KSR2: variants seen among roughly 807,000 people sequenced by gnomAD.
KSR2 encodes kinase suppressor of ras 2.
A neutral mutation model predicts 107.8 loss-of-function variants in KSR2; 25 were observed. That is an observed-to-expected ratio of 0.23 (90% CI 0.17 to 0.32). The LOEUF (loss-of-function observed/expected upper bound fraction) is 0.32, where lower values mean the gene tolerates loss of function less well. Ranked by LOEUF, KSR2 falls within the 10% of genes least tolerant of loss-of-function variation. The pLI is 1.00. For missense variants in KSR2, 887 were observed against 1,268.9 expected, an observed-to-expected ratio of 0.70 and a Z score of 4.57; for synonymous variants, 480 against 507.0, an observed-to-expected ratio of 0.95 and a Z score of 0.71.
At position 117,968,294 on chromosome 12, in the gene KSR2, A is replaced by C; in HGVS notation, c.-39T>G. On this transcript the variant is annotated 5_prime_UTR_variant, in exon 1 of 20. Transcript: ENST00000339824. ...ACCCCCTTCCCCTCCTCCTCCTCCCAGAGAGAAAAAAGAGGGGGGGGAGTA... is the reference window on the plus strand; with the variant it reads ...ACCCCCTTCCCCTCCTCCTCCTCCCCGAGAGAAAAAAGAGGGGGGGGAGTA... The C allele has an allele frequency of 5.1e-6, 4 of 790,268 alleles. No individual in the cohort carries two copies. Among genetic ancestry groups the C allele is most frequent in the Admixed American group, 4.5e-5 (1 of 22,344 alleles). 49.0% of individuals were successfully genotyped at this position (790,268 alleles called of 1,614,324 possible). A position where few individuals can be genotyped will look rare whatever the true frequency, so the allele number is the denominator to read the frequency against.
At position 117,607,798 on chromosome 12, in the gene KSR2, C is replaced by T. The variant is rs1026327272; in HGVS notation, c.1172-25439G>A. Among the ~76,000 whole-genome samples, 9 of 152,140 alleles carry T rather than the reference C, an allele frequency of 5.9e-5. No individual in the cohort carries two copies. In the South Asian group the frequency reaches 6.2e-4, roughly 11 times the overall value. On this transcript the variant is annotated intron_variant, in intron 5 of 19. Transcript: ENST00000339824. The stretch of plus-strand genomic sequence containing the variant: ...CCTGGGGGTTCTGCGGATCTGAGGC[C>T]GACAGACAGGTGTGACAGGAGGGCA...
chr12:117,733,534 C>T lies in KSR2; in HGVS notation c.986+27477G>A, dbSNP rs896822883. On this transcript the variant is annotated intron_variant, in intron 4 of 19. Coordinates refer to ENST00000339824, the MANE Select transcript of KSR2 (RefSeq NM_173598.6). ...TGCCCATTTATTTGCACACTGTCTA[C>T]GGCTGCTTTTGCTCATAACAACAGA... Among the ~76,000 whole-genome samples the T allele has an allele frequency of 5.3e-5, 8 of 152,276 alleles. 1 individual carries two copies. In the East Asian group the frequency reaches 7.7e-4, roughly 15 times the overall value.
intron 14 of KSR2, among the ~76,000 whole-genome samples, chr12:117,511,629 T>C (rs1168687982): frequency 1.3e-5 from 2 of 152,194 alleles, no homozygotes; most frequent in Admixed American, 1.3e-4. Context: ...ATCTACAAAG[T>C]CCTTAGCACA....
chr12:117,817,214 C>T (rs968161261), intron 3 of KSR2, among the ~76,000 whole-genome samples: 4 of 152,292 alleles, frequency 2.6e-5, no homozygotes, highest in South Asian at 4.1e-4. Flanking sequence ...GGTCTGTCTT[C>T]CTCCGGAAAA....
intron 3 of KSR2, among the ~76,000 whole-genome samples, chr12:117,791,769 A>G (rs1890259395): frequency 6.6e-6 from 1 of 152,208 alleles, no homozygotes; most frequent in South Asian, 2.1e-4. Context: ...TCAGCGATCA[A>G]AAACTCCACT....
intron 3 of KSR2, among the ~76,000 whole-genome samples, chr12:117,769,148 G>A (rs1889348156): frequency 6.6e-6 from 1 of 152,096 alleles, no homozygotes; most frequent in African/African-American, 2.4e-5. Context: ...GAAACCCCGG[G>A]ATCACTCCCC....
intron 3 of KSR2, among the ~76,000 whole-genome samples, chr12:117,794,359 ACAC>A (rs1890504566): frequency 2.5e-5 from 3 of 117,684 alleles, no homozygotes; most frequent in South Asian, 7.0e-4. Context: ...ACAGGCACAC[ACAC>A]CAACATGCAC....
intron 1 of KSR2, among the ~76,000 whole-genome samples, chr12:117,888,245 G>T (rs1356816146): frequency 6.6e-6 from 1 of 152,060 alleles, no homozygotes; most frequent in African/African-American, 2.4e-5. Flanking sequence ...CAATGCTTCT[G>T]GGAATATTCA....
At chr12:117,709,663 G>A (rs1375131424) in intron 4 of KSR2, among the ~76,000 whole-genome samples, 3 of 152,116 alleles carry the variant, frequency 2.0e-5, no homozygotes, top group African/African-American at 7.2e-5. Context: ...GGGACACAGC[G>A]GTTAGCAAAA....
chr12:117,633,110 GA>G (rs1412636227), intron 5 of KSR2, among the ~76,000 whole-genome samples: 4 of 152,206 alleles, frequency 2.6e-5, no homozygotes, highest in African/African-American at 9.6e-5. Context: ...ATGGCTACTG[GA>G]AATAGTGATT....
intron 3 of KSR2, among the ~76,000 whole-genome samples, chr12:117,789,619 AAT>A (rs1566015412): frequency 6.6e-6 from 1 of 152,184 alleles, no homozygotes; most frequent in African/African-American, 2.4e-5. Flanking sequence ...TCTTTTTCTT[AAT>A]ATGACTCTTC....
At chr12:117,607,460 T>G (rs1191398701) in intron 5 of KSR2, among the ~76,000 whole-genome samples, 1 of 152,140 alleles carries the variant, frequency 6.6e-6, no homozygotes, top group African/African-American at 2.4e-5. Context: ...GCCTCCGAAC[T>G]GCCGAGTCTG....
Position 117,609,243 on chromosome 12 carries a change from T to G in KSR2, c.1172-26884A>C, listed in dbSNP as rs367752152. Among the ~76,000 whole-genome samples the G allele has an allele frequency of 3.5e-4, 54 of 152,296 alleles. No individual in the cohort carries two copies. In the East Asian group the frequency reaches 5.2e-3, roughly 15 times the overall value. On this transcript the variant is annotated intron_variant, in intron 5 of 19. Coordinates refer to ENST00000339824, the MANE Select transcript of KSR2 (RefSeq NM_173598.6). Reference sequence around the variant, plus strand: ...ATTTCACCTCTCTGGGCCTCAAGTTTCTCATCTTTAAAATGGGGATAACAA... The same window carrying G: ...ATTTCACCTCTCTGGGCCTCAAGTTGCTCATCTTTAAAATGGGGATAACAA...
intron 5 of KSR2, among the ~76,000 whole-genome samples, chr12:117,640,125 C>T (rs1478962983): frequency 6.6e-6 from 1 of 152,166 alleles, no homozygotes; most frequent in Non-Finnish European, 1.5e-5. Context: ...TCCATCATGG[C>T]CAACTGACGG....
chr12:117,558,716 G>T, intron 7 of KSR2, 143 bp from the exon 8 acceptor site: 1 of 568,582 alleles, frequency 1.8e-6, no homozygotes, highest in Non-Finnish European at 3.3e-6. Context: ...GGGGATAGAT[G>T]GGTGAGTAGA....
chr12:117,521,725 G>A (rs990967999), intron 14 of KSR2, among the ~76,000 whole-genome samples: 1 of 152,176 alleles, frequency 6.6e-6, no homozygotes, highest in East Asian at 1.9e-4. Context: ...TAATTATCTG[G>A]TCTTATGTTC....
At chr12:117,785,492 A>G (rs1890038227) in intron 3 of KSR2, among the ~76,000 whole-genome samples, 1 of 150,478 alleles carries the variant, frequency 6.6e-6, no homozygotes, top group African/African-American at 2.4e-5. Flanking sequence ...TAGAATTACC[A>G]GACATAAACT....
At chr12:117,685,857 C>T (rs1178170632) in intron 4 of KSR2, among the ~76,000 whole-genome samples, 1 of 152,154 alleles carries the variant, frequency 6.6e-6, no homozygotes, top group Non-Finnish European at 1.5e-5. Flanking sequence ...CTAGCTCTGT[C>T]ATTACCTAAG....
At chr12:117,577,860 C>A (rs1879383515) in intron 7 of KSR2, among the ~76,000 whole-genome samples, 1 of 152,120 alleles carries the variant, frequency 6.6e-6, no homozygotes, top group African/African-American at 2.4e-5. Flanking sequence ...ACAGCCAGAC[C>A]ATATCAATTA....
Sources: gnomAD v4.1 joint callset for allele counts (sites outside exome capture counted in the v4.1 genomes callset) on GRCh38, gnomAD v4.1.1 for gene constraint, MANE v1.5 for transcripts, NCBI Gene and HGNC (gene_info 2026-07-23, HGNC 2026-07-21) for gene names.